The following HTR4 variants were observed in gnomAD, a reference collection of about 807,000 sequenced individuals.
The protein encoded by HTR4 is 5-hydroxytryptamine receptor 4, also known as 5-hydroxytryptamine (serotonin) receptor 4, G protein-coupled.
A neutral mutation model predicts 36.8 loss-of-function variants in HTR4; 16 were observed. The ratio of observed to expected loss-of-function variants is 0.43; its 90% confidence interval spans 0.29 to 0.66. The LOEUF is 0.66. Ranked by LOEUF, HTR4 falls within the 30% of genes least tolerant of loss-of-function variation. The pLI is 0.13. For synonymous variants in HTR4, 189 were observed against 185.1 expected, an observed-to-expected ratio of 1.02 and a Z score of -0.17; for missense variants, 438 against 490.9, an observed-to-expected ratio of 0.89 and a Z score of 1.02.
intron 6 of HTR4, among the ~76,000 whole-genome samples, chr5:148,496,049 G>A (rs186687445): frequency 2.0e-5 from 3 of 152,138 alleles, no homozygotes; most frequent in African/African-American, 4.8e-5. Context: ...GCAGTAAGCC[G>A]AAATCGCGCC....
intron 2 of HTR4, among the ~76,000 whole-genome samples, chr5:148,627,556 T>A (rs1179814233): frequency 6.6e-6 from 1 of 152,244 alleles, no homozygotes; most frequent in African/African-American, 2.4e-5. Context: ...AAGGTATGAT[T>A]AGTATTGAAC....
At chr5:148,461,589 C>G (rs1408188916) in intron 5 of HTR4, among the ~76,000 whole-genome samples, 1 of 151,932 alleles carries the variant, frequency 6.6e-6, no homozygotes, top group East Asian at 1.9e-4. Flanking sequence ...ACACTGCATA[C>G]ACATAAGAAC....
At chr5:148,540,414 A>G (rs372412733) in intron 4 of HTR4, among the ~76,000 whole-genome samples, 8,109 of 121,324 alleles carry the variant, frequency 0.067, 559 homozygotes, top group South Asian at 0.13. Flanking sequence ...ATATATATAT[A>G]TATATATATA....
chr5:148,468,983 TAA>T (rs1398996813), intron 5 of HTR4, among the ~76,000 whole-genome samples: 5 of 152,154 alleles, frequency 3.3e-5, no homozygotes, highest in Non-Finnish European at 7.3e-5. Flanking sequence ...GCCGTGATTG[TAA>T]GTTTCCTGAG....
At chr5:148,637,960 C>G (rs537861134) in intron 1 of HTR4, among the ~76,000 whole-genome samples, 5 of 152,236 alleles carry the variant, frequency 3.3e-5, no homozygotes, top group African/African-American at 1.2e-4. Flanking sequence ...AAAATAATCT[C>G]TGAGTTCACT....
chr5:148,556,988 G>A (rs959622155), intron 2 of HTR4, among the ~76,000 whole-genome samples: 13 of 152,172 alleles, frequency 8.5e-5, no homozygotes, highest in Non-Finnish European at 2.9e-5. Flanking sequence ...AAAGCCCTGA[G>A]ACAGAAAAGA....
Position 148,483,282 on chromosome 5 carries a change from T to C in HTR4, c.1088A>G (p.Glu363Gly), listed in dbSNP as rs755335782. Reference sequence around the variant, plus strand: ...CTGACTCTCCCACTGGCCACCACACTCCACTGCATCCCTAGAGAGAGGAGA... The same window carrying C: ...CTGACTCTCCCACTGGCCACCACACCCCACTGCATCCCTAGAGAGAGGAGA... ...GSTHVLRDAVECGGQWESQCH... is the reference protein window; with the variant it reads ...GSTHVLRDAVGCGGQWESQCH... Residue 363 changes from glutamate to glycine, a missense_variant, in exon 7 of 7, where the codon GAG becomes GGG. Coordinates refer to ENST00000377888, the MANE Select transcript of HTR4 (RefSeq NM_000870.7). 2 of 1,613,016 alleles carry C rather than the reference T, an allele frequency of 1.2e-6. No individual in the cohort carries two copies. Among genetic ancestry groups the C allele is most frequent in the South Asian group, 2.2e-5 (2 of 90,898 alleles).
intron 5 of HTR4, among the ~76,000 whole-genome samples, chr5:148,519,196 T>G (rs1757896233): frequency 6.6e-6 from 1 of 152,166 alleles, no homozygotes. Flanking sequence ...TTGAAACATG[T>G]GAAGAATTTA....
intron 2 of HTR4, among the ~76,000 whole-genome samples, chr5:148,632,216 T>C (rs764878677): frequency 6.6e-5 from 10 of 152,276 alleles, no homozygotes; most frequent in Non-Finnish European, 1.2e-4. Flanking sequence ...GTTAGAGCCA[T>C]TGTACACACC....
chr5:148,523,416 T>C lies in HTR4; in HGVS notation c.354-70A>G, dbSNP rs1432157370. ...AATGGGAGGGAGAGAAAAGAGAATATATGAGAGAGAAAAGGGGAGGAAGAG... is the reference window on the plus strand; with the variant it reads ...AATGGGAGGGAGAGAAAAGAGAATACATGAGAGAGAAAAGGGGAGGAAGAG... On this transcript the variant is annotated intron_variant, in intron 4 of 6. Transcript: ENST00000377888. 14 of 1,303,246 alleles carry C rather than the reference T, an allele frequency of 1.1e-5. No individual in the cohort carries two copies. The East Asian group carries it at 1.3e-4, about 12-fold the overall frequency. 80.7% of individuals were successfully genotyped at this position (1,303,246 alleles called of 1,614,324 possible).
At chr5:148,520,802 C>T in intron 5 of HTR4, 1 of 1,159,052 alleles carries the variant, frequency 8.6e-7, no homozygotes, top group Non-Finnish European at 1.2e-6. Context: ...AATGGTGAAA[C>T]TGACAGTTTA....
At chr5:148,471,444 G>C (rs1463095191) in intron 5 of HTR4, among the ~76,000 whole-genome samples, 2 of 152,066 alleles carry the variant, frequency 1.3e-5, no homozygotes, top group African/African-American at 4.8e-5. Flanking sequence ...TCCTTGTAAA[G>C]GAAGGCAATA....
chr5:148,514,461 G>C (rs775091193), intron 5 of HTR4, among the ~76,000 whole-genome samples: 6 of 152,062 alleles, frequency 3.9e-5, no homozygotes, highest in Non-Finnish European at 8.8e-5. Flanking sequence ...TGACACACTA[G>C]TATTTTTCTT....
chr5:148,593,372 T>C (rs1182143588), intron 2 of HTR4, among the ~76,000 whole-genome samples: 1 of 152,190 alleles, frequency 6.6e-6, no homozygotes, highest in Non-Finnish European at 1.5e-5. Flanking sequence ...CATTACAAAA[T>C]GGAACTTTTC....
intron 4 of HTR4, among the ~76,000 whole-genome samples, chr5:148,543,419 G>A (rs1047184263): frequency 2.0e-5 from 3 of 152,144 alleles, no homozygotes; most frequent in African/African-American, 4.8e-5. Flanking sequence ...TTATTTGAAC[G>A]ATCAATTTAT....
intron 4 of HTR4, 65 bp downstream of exon 4, chr5:148,548,603 G>T: frequency 7.9e-7 from 1 of 1,269,630 alleles, no homozygotes; most frequent in Non-Finnish European, 1.1e-6. Flanking sequence ...GGCAGACACT[G>T]CCCAATATCC....
intron 6 of HTR4, among the ~76,000 whole-genome samples, chr5:148,493,332 ATG>A (rs1193818683): frequency 7.9e-5 from 12 of 152,312 alleles, no homozygotes; most frequent in African/African-American, 2.6e-4. Context: ...TATTAGTAGA[ATG>A]TGTATGTATC....
chr5:148,479,660 T>C (rs996551202), downstream of HTR4, among the ~76,000 whole-genome samples: 1 of 152,212 alleles, frequency 6.6e-6, no homozygotes, highest in Non-Finnish European at 1.5e-5. Context: ...TCAAGGATTC[T>C]AGGACCTTCA....
downstream of HTR4, among the ~76,000 whole-genome samples, chr5:148,473,635 T>A (rs1246737708): frequency 6.6e-6 from 1 of 152,224 alleles, no homozygotes; most frequent in African/African-American, 2.4e-5. Flanking sequence ...TATCGGTGTT[T>A]GTTCAGTGGC....
Sources: gnomAD v4.1 joint callset for allele counts (sites outside exome capture counted in the v4.1 genomes callset) on GRCh38, gnomAD v4.1.1 for gene constraint, MANE v1.5 for transcripts, NCBI Gene and HGNC (gene_info 2026-07-23, HGNC 2026-07-21) for gene names.